The following CDK12 variants were observed in gnomAD, a reference collection of about 807,000 sequenced individuals.
CDK12 encodes the protein cyclin dependent kinase 12, also known as cyclin-dependent kinase 12.
A neutral mutation model predicts 133.8 loss-of-function variants in CDK12; 17 were observed. The observed-to-expected ratio is 0.13, with a 90% CI of 0.09 to 0.19. The LOEUF (loss-of-function observed/expected upper bound fraction) is 0.19, where lower values mean the gene tolerates loss of function less well. Ranked by LOEUF, CDK12 falls within the 10% of genes least tolerant of loss-of-function variation. The pLI is 1.00. For synonymous variants in CDK12, 694 were observed against 683.6 expected (o/e 1.02, Z -0.24); for missense variants, 1,508 against 1,818.7 (o/e 0.83, Z 3.11).
chr17:39,486,116 C>G (rs1348127423), intron 2 of CDK12, among the ~76,000 whole-genome samples: 2 of 151,530 alleles, frequency 1.3e-5, no homozygotes, highest in East Asian at 1.9e-4. Flanking sequence ...CCATGCCCAG[C>G]TAATTTTTGT....
chr17:39,476,810 C>T (rs2050249169), intron 2 of CDK12, among the ~76,000 whole-genome samples: 1 of 147,678 alleles, frequency 6.8e-6, no homozygotes. Context: ...CAACCTCCGC[C>T]TCCCAAGTTC....
rs961692967 is a variant in CDK12, at chr17:39,501,375, T to C, written c.2545T>C (p.Tyr849His). Residue 849 changes from tyrosine to histidine, a missense_variant, in exon 6 of 14, where the codon TAC (tyrosine) becomes CAC (histidine). Tyr to His is a moderately conservative substitution (Grantham distance 83). This residue lies in a region of CDK12 where 82 missense variants were observed against 201.5 expected (regional missense o/e 0.41). Transcript: ENST00000447079. Reference sequence around the variant, plus strand: ...GAAACAGCTAATGGAAGGATTGGAATACTGTCACAAAAAGAATTTCCTGCA... The same window carrying C: ...GAAACAGCTAATGGAAGGATTGGAACACTGTCACAAAAAGAATTTCCTGCA... ...FMKQLMEGLE[Y>H]CHKKNFLHRD... 1.2e-6 allele frequency: 2 copies of C among 1,613,684 alleles called. No individual in the cohort carries two copies. Among genetic ancestry groups the C allele is most frequent in the Non-Finnish European group, 1.7e-6 (2 of 1,179,866 alleles).
chr17:39,496,643 G>A (rs2052134756), intron 5 of CDK12, among the ~76,000 whole-genome samples: 1 of 152,108 alleles, frequency 6.6e-6, no homozygotes, highest in Admixed American at 6.6e-5. Flanking sequence ...AGAGGTTGCA[G>A]TGAGTTGAGA....
At chr17:39,519,884 T>C in intron 10 of CDK12, 72 bp from the exon 11 acceptor site, 1 of 1,588,290 alleles carries the variant, frequency 6.3e-7, no homozygotes, top group Non-Finnish European at 8.6e-7. Flanking sequence ...GTGAGACCCT[T>C]TGAAACAAAA....
At chr17:39,480,181 C>T (rs2050531392) in intron 2 of CDK12, among the ~76,000 whole-genome samples, 2 of 152,128 alleles carry the variant, frequency 1.3e-5, no homozygotes, top group South Asian at 4.1e-4. Context: ...ATCTGGGCCT[C>T]CCAAAGTGCT....
At chr17:39,517,120 T>TA (rs1256850834) in intron 9 of CDK12, among the ~76,000 whole-genome samples, 10 of 152,180 alleles carry the variant, frequency 6.6e-5, no homozygotes. Flanking sequence ...CCTTTGTAAT[T>TA]ACTACTAACT....
chr17:39,468,540 A>G (rs2049525870), intron 1 of CDK12, among the ~76,000 whole-genome samples: 1 of 152,074 alleles, frequency 6.6e-6, no homozygotes, highest in African/African-American at 2.4e-5. Flanking sequence ...CATTGGCACA[A>G]TCTCAGCTTA....
rs375521452 is a variant in CDK12, at chr17:39,539,674, G to A, written c.451-4575G>A. Among the ~76,000 whole-genome samples the A allele has an allele frequency of 3.9e-5, 6 of 152,200 alleles. No homozygotes were observed. The East Asian group carries it at 9.6e-4, about 24-fold the overall frequency. ...AGAGAGGTCAGTCTTACAGCTGGTG[G>A]AGAGTGGGGAATCTGTAAGTCAACA... On this transcript the variant is annotated intron_variant and NMD_transcript_variant, in intron 1 of 4. Transcript: ENST00000559663.
chr17:39,516,218 T>C (rs1359421031), intron 9 of CDK12, among the ~76,000 whole-genome samples: 1 of 152,156 alleles, frequency 6.6e-6, no homozygotes, highest in Non-Finnish European at 1.5e-5. Flanking sequence ...GTAAGGTATA[T>C]AGCATGTAAA....
At chr17:39,488,304 A>T (rs1341013730) in intron 2 of CDK12, among the ~76,000 whole-genome samples, 1 of 151,732 alleles carries the variant, frequency 6.6e-6, no homozygotes, top group Non-Finnish European at 1.5e-5. Flanking sequence ...ACAAAACCCC[A>T]CTGACTACTA....
At chr17:39,563,636 G>T (rs528325068) in intron 3 of CDK12, among the ~76,000 whole-genome samples, 7 of 152,234 alleles carry the variant, frequency 4.6e-5, no homozygotes, top group African/African-American at 1.7e-4. Context: ...TCAGAGAGCA[G>T]TAAGGTGTGA....
At chr17:39,502,216 G>A (rs758529329) in intron 6 of CDK12, among the ~76,000 whole-genome samples, 3 of 151,684 alleles carry the variant, frequency 2.0e-5, no homozygotes, top group African/African-American at 2.4e-5. Context: ...GCAGTGGCGC[G>A]ATCTCACCTT....
intron 11 of CDK12, among the ~76,000 whole-genome samples, chr17:39,520,808 C>T (rs1244631579): frequency 6.6e-6 from 1 of 152,024 alleles, no homozygotes; most frequent in Non-Finnish European, 1.5e-5. Context: ...TTACAGGTGC[C>T]TGCCACCACA....
chr17:39,483,632 G>A (rs557200202), intron 2 of CDK12, among the ~76,000 whole-genome samples: 5 of 151,870 alleles, frequency 3.3e-5, no homozygotes, highest in South Asian at 2.1e-4. Flanking sequence ...AGTAGTTTAC[G>A]CTGTTAAAAT....
chr17:39,517,928 C>T (rs150534333), intron 10 of CDK12, among the ~76,000 whole-genome samples: 253 of 151,136 alleles, frequency 1.7e-3, no homozygotes, highest in African/African-American at 6.0e-3. Flanking sequence ...TTAGGGCTCA[C>T]TGCAGCCTTG....
rs367629342 is a variant in CDK12 at position 39,495,701 on chromosome 17, A to G, written c.2419+1007A>G. ...TCCCAGCTACTCAGGAGGCTGAGGC[A>G]GGAGAATGGTGTGAACCTGGGAGGC... is the stretch of plus-strand genomic sequence containing the variant. On this transcript the variant is annotated intron_variant, in intron 5 of 13. Coordinates refer to ENST00000447079, the MANE Select transcript of CDK12 (RefSeq NM_016507.4). Among the ~76,000 whole-genome samples the G allele has an allele frequency of 2.8e-3, 429 of 150,670 alleles. 2 individuals carry two copies. In the Middle Eastern group the frequency reaches 0.061, roughly 22 times the overall value.
In CDK12 at chr17:39,471,543, C is replaced by T. The variant is rs2145205982; in HGVS notation, c.1711C>T (p.Pro571Ser). The T allele has an allele frequency of 5.6e-6, 9 of 1,613,962 alleles. No homozygotes were observed. Among genetic ancestry groups the T allele is most frequent in the Non-Finnish European group, 7.6e-6 (9 of 1,179,998 alleles). The part of the protein sequence containing the change: ...PQQPPLPPSQ[P>S]AFSQVPASST... ...GCAACCACCTCTGCCTCCTTCTCAG[C>T]CAGCATTTAGTCAGGTTCCTGCTTC... Residue 571 changes from proline (P) to serine (S), a missense_variant, in exon 2 of 14, where the codon CCA becomes TCA. Physicochemically the swap from Pro to Ser is moderately conservative, Grantham distance 74 (BLOSUM62 -1). Coordinates refer to ENST00000447079, the MANE Select transcript of CDK12 (RefSeq NM_016507.4).
At chr17:39,507,706 C>T (rs2053225976) in intron 6 of CDK12, among the ~76,000 whole-genome samples, 1 of 152,136 alleles carries the variant, frequency 6.6e-6, no homozygotes, top group South Asian at 2.1e-4. Flanking sequence ...ATATCCATTT[C>T]CATTTTGACT....
rs1236743086 is a variant in CDK12, at chr17:39,462,601, C to G, written c.530C>G (p.Ser177Cys). The change falls in exon 1 of 14, where the codon TCC (serine) becomes TGC (cysteine). Residue 177 changes from serine to cysteine, a missense_variant. By Grantham distance (112) the Ser-to-Cys change is moderately radical (BLOSUM62 -1). This residue lies in a region of CDK12 where 460 missense variants were observed against 490.8 expected (regional missense o/e 0.94). Transcript: ENST00000447079. ...AKSSSKESRS[S>C]KLHKEKTRKE... is the part of the protein sequence containing the mutation. ...AGCAGCAGCAAGGAATCCAGGTCATCCAAGCTCCACAAGGAGAAGACCAGG... is the reference window on the plus strand; with the variant it reads ...AGCAGCAGCAAGGAATCCAGGTCATGCAAGCTCCACAAGGAGAAGACCAGG... 1 of 1,614,060 alleles carries G rather than the reference C, an allele frequency of 6.2e-7. No homozygotes were observed. The highest frequency in any genetic ancestry group is 1.7e-5 in the Admixed American group (1 of 59,980).
Sources: allele counts gnomAD v4.1 joint callset (sites outside exome capture counted in the v4.1 genomes callset), GRCh38; gene constraint gnomAD v4.1.1; regional missense constraint gnomAD v4.1.1; transcripts MANE v1.5; gene names NCBI Gene and HGNC (gene_info 2026-07-23, HGNC 2026-07-21).